Variants in SORCS3 observed in about 807,000 individuals in gnomAD.
SORCS3 encodes sortilin related VPS10 domain containing receptor 3.
SORCS3 carries 57 observed loss-of-function variants against 146.3 expected under a neutral mutation model. The ratio of observed to expected loss-of-function variants is 0.39; its 90% CI spans 0.31 to 0.49. The LOEUF is 0.49. SORCS3 is among the 20% of genes least tolerant of loss of function. The pLI, the probability that SORCS3 is intolerant of heterozygous loss-of-function variation, is 0.92. For synonymous variants in SORCS3, 653 were observed against 618.5 expected (o/e 1.06, Z -0.83); for missense variants, 1,341 against 1,575.5 (o/e 0.85, Z 2.52).
intron 1 of SORCS3, among the ~76,000 whole-genome samples, chr10:104,771,925 C>A (rs1307274643): frequency 2.0e-5 from 3 of 152,056 alleles, no homozygotes; most frequent in Admixed American, 2.0e-4. Context: ...ATCATGTGTT[C>A]CGACTGTTGT....
At chr10:105,247,011 C>T (rs1422277353) in intron 21 of SORCS3, among the ~76,000 whole-genome samples, 1 of 152,200 alleles carries the variant, frequency 6.6e-6, no homozygotes, top group Non-Finnish European at 1.5e-5. Flanking sequence ...CTAACAAAAA[C>T]TGGTAGGAGC....
At chr10:104,861,212 G>T (rs529640403) in intron 2 of SORCS3, among the ~76,000 whole-genome samples, 4 of 152,268 alleles carry the variant, frequency 2.6e-5, no homozygotes, top group African/African-American at 9.6e-5. Context: ...CCTGTTACCT[G>T]TACCTGCTTA....
chr10:105,030,057 G>T (rs146307197), intron 4 of SORCS3, among the ~76,000 whole-genome samples: 72 of 152,322 alleles, frequency 4.7e-4, no homozygotes, highest in African/African-American at 1.6e-3. Flanking sequence ...ATAAGACTGA[G>T]ATTGAGGAAT....
chr10:105,178,273 G>A lies in SORCS3; in HGVS notation c.2009+100G>A, dbSNP rs2119560282. On this transcript the variant is annotated intron_variant, in intron 14 of 26. Transcript: ENST00000369701. ...TCCCAGGGAACCCTACACCAAAGTG[G>A]TCCAATCTCTGGGCCAAAATTTCCT... 4.6e-6 allele frequency: 4 copies of A among 878,372 alleles called. No homozygotes were observed. The Admixed American group carries it at 9.5e-5, about 21-fold the overall frequency. 54.4% of individuals were successfully genotyped at this position (878,372 alleles called of 1,614,324 possible). A position where few individuals can be genotyped will look rare whatever the true frequency, so the allele number is the denominator to read the frequency against.
chr10:104,966,525 T>C (rs928160767), intron 3 of SORCS3, among the ~76,000 whole-genome samples: 1 of 152,188 alleles, frequency 6.6e-6, no homozygotes, highest in Non-Finnish European at 1.5e-5. Context: ...GTCTGTTTGC[T>C]CCTATTCTGA....
intron 4 of SORCS3, among the ~76,000 whole-genome samples, chr10:105,040,013 G>A (rs962261679): frequency 5.3e-5 from 8 of 152,104 alleles, no homozygotes; most frequent in Non-Finnish European, 1.0e-4. Flanking sequence ...TGGAATCAGG[G>A]CTGGCAGATT....
chr10:104,801,925 T>A (rs1307074637), intron 1 of SORCS3, among the ~76,000 whole-genome samples: 1 of 152,210 alleles, frequency 6.6e-6, no homozygotes, highest in Non-Finnish European at 1.5e-5. Flanking sequence ...TTCTGAAAGA[T>A]CCTGGCTTCT....
Position 105,216,916 on chromosome 10 carries a change from T to C in SORCS3, c.2548-20T>C, listed in dbSNP as rs191823369. On this transcript the variant is annotated intron_variant, in intron 18 of 26. Coordinates refer to ENST00000369701, the MANE Select transcript of SORCS3 (RefSeq NM_014978.3). ...TGGCTGGACCAAGTAAATTGACCCGTCTGCTATGCCATCTTGCAGGGTGAT... is the reference window on the plus strand; with the variant it reads ...TGGCTGGACCAAGTAAATTGACCCGCCTGCTATGCCATCTTGCAGGGTGAT... 15 of 1,613,778 alleles carry C rather than the reference T, an allele frequency of 9.3e-6. No individual in the cohort carries two copies. The Admixed American group carries it at 1.3e-4, about 14-fold the overall frequency.
chr10:104,878,925 G>C (rs1020360377), intron 2 of SORCS3, among the ~76,000 whole-genome samples: 1 of 152,126 alleles, frequency 6.6e-6, no homozygotes, highest in Non-Finnish European at 1.5e-5. Context: ...TCACCCTGAA[G>C]GTATCACAAA....
At chr10:104,667,183 C>T (rs1435885925) in intron 1 of SORCS3, among the ~76,000 whole-genome samples, 3 of 152,164 alleles carry the variant, frequency 2.0e-5, no homozygotes, top group African/African-American at 7.2e-5. Context: ...TGGGACAAGG[C>T]TCTGAACCTA....
chr10:104,664,930 A>T (rs910688212), intron 1 of SORCS3: 3 of 152,494 alleles, frequency 2.0e-5, no homozygotes, highest in African/African-American at 4.8e-5. Flanking sequence ...GAAGGGGGCT[A>T]TGGGGATGGG....
At chr10:104,807,131 C>CTTTTTTTTTTTTTTTTTTTTT (rs1292315654) in intron 1 of SORCS3, among the ~76,000 whole-genome samples, 2 of 151,132 alleles carry the variant, frequency 1.3e-5, no homozygotes, top group African/African-American at 2.4e-5. Context: ...TGGACTGTTG[C>CTTTTTTTTTTTTTTTTTTTTT]TTTTAAGAAA....
chr10:104,911,545 G>A (rs1018047727), intron 2 of SORCS3, among the ~76,000 whole-genome samples: 3 of 152,186 alleles, frequency 2.0e-5, no homozygotes, highest in Non-Finnish European at 4.4e-5. Flanking sequence ...GTCCTGCAGG[G>A]ATCCCTGAGA....
chr10:104,772,062 G>C (rs1302251509), intron 1 of SORCS3, among the ~76,000 whole-genome samples: 1 of 152,206 alleles, frequency 6.6e-6, no homozygotes, highest in African/African-American at 2.4e-5. Flanking sequence ...TCGATAGGTG[G>C]GGCTTGGGTG....
intron 20 of SORCS3, among the ~76,000 whole-genome samples, chr10:105,228,505 G>A (rs1294871145): frequency 6.7e-6 from 1 of 149,988 alleles, no homozygotes; most frequent in African/African-American, 2.5e-5. Flanking sequence ...TCTTTCACAG[G>A]ATTTTCTTAA....
intron 5 of SORCS3, among the ~76,000 whole-genome samples, chr10:105,085,384 T>C (rs1310921789): frequency 1.3e-5 from 2 of 152,192 alleles, no homozygotes; most frequent in Non-Finnish European, 1.5e-5. Context: ...TATTTTACTA[T>C]ACCTCTGGCC....
At chr10:104,964,145 G>T (rs2054813450) in intron 3 of SORCS3, among the ~76,000 whole-genome samples, 1 of 152,112 alleles carries the variant, frequency 6.6e-6, no homozygotes, top group Admixed American at 6.5e-5. Context: ...TAAAAAACAA[G>T]CCCTAGACTA....
Position 104,721,604 on chromosome 10 carries a change from C to A in SORCS3, c.627+79650C>A, listed in dbSNP as rs1218489089. Among the ~76,000 whole-genome samples the A allele has an allele frequency of 2.6e-5, 4 of 152,260 alleles. No individual in the cohort carries two copies. The East Asian group carries it at 7.7e-4, about 29-fold the overall frequency. ...TTTCACGATATTGATTCTTCCTACC[C>A]ATGAGCATGGAATGTTCTTCCATTT... On this transcript the variant is annotated intron_variant, in intron 1 of 26. Coordinates refer to ENST00000369701, the MANE Select transcript of SORCS3 (RefSeq NM_014978.3).
chr10:104,749,988 C>T, intron 1 of SORCS3, among the ~76,000 whole-genome samples: 1 of 152,196 alleles, frequency 6.6e-6, no homozygotes, highest in South Asian at 2.1e-4. Context: ...TATTAAATGG[C>T]TATATAACTA....
Sources: gnomAD v4.1 joint callset for allele counts (sites outside exome capture counted in the v4.1 genomes callset) on GRCh38, gnomAD v4.1.1 for gene constraint, MANE v1.5 for transcripts, NCBI Gene and HGNC (gene_info 2026-07-23, HGNC 2026-07-21) for gene names.